Variants in RIPK4 observed in about 807,000 individuals in gnomAD.
The protein encoded by RIPK4 is receptor interacting serine/threonine kinase 4.
RIPK4 carries 17 observed loss-of-function variants against 42.9 expected under a neutral mutation model. That is an observed-to-expected ratio of 0.40 (90% CI 0.27 to 0.59). RIPK4 has a LOEUF of 0.59. RIPK4 is among the 20% of genes least tolerant of loss of function. RIPK4 has a pLI of 0.47. For missense variants in RIPK4, 897 were observed against 1,104.4 expected (o/e 0.81, Z 2.66); for synonymous variants, 498 against 499.1 (o/e 1.00, Z 0.03).
intron 1 of RIPK4, among the ~76,000 whole-genome samples, chr21:41,757,049 G>T (rs867248790): frequency 1.3e-5 from 2 of 152,202 alleles, no homozygotes; most frequent in Non-Finnish European, 1.5e-5. Context: ...GAGGAGGAGG[G>T]AAATTCTAAT....
At chr21:41,763,596 T>C (rs12482161) in intron 1 of RIPK4, among the ~76,000 whole-genome samples, 37,168 of 152,178 alleles carry the variant, frequency 0.24, 4,876 homozygotes, top group African/African-American at 0.31. Context: ...TTCAGGAAAA[T>C]GCAGCCGGAA....
chr21:41,741,691 T>C lies in RIPK4; in HGVS notation c.1502A>G (p.Asp501Gly). 1 of 1,613,738 alleles carries C rather than the reference T, an allele frequency of 6.2e-7. No homozygotes were observed. Among genetic ancestry groups the C allele is most frequent in the Non-Finnish European group, 8.5e-7 (1 of 1,180,004 alleles). Residue 501 changes from aspartate to glycine, a missense_variant, in exon 8 of 8, where the codon GAT (aspartate) becomes GGT (glycine). Physicochemically the swap from Asp to Gly is moderately conservative, Grantham distance 94. Transcript: ENST00000332512. ...LARKISVNAK[D>G]EDQWTALHFA... The stretch of plus-strand genomic sequence containing the variant: ...GTGGAGGGCTGTCCACTGGTCCTCA[T>C]CCTTGGCGTTGACACTGATCTTCCG...
Position 41,740,193 on chromosome 21 carries a change from C to T in RIPK4, c.*645G>A, listed in dbSNP as rs2061148097. On this transcript the variant is annotated 3_prime_UTR_variant, in exon 8 of 8. Transcript: ENST00000332512. ...TAGACTGGAATGGTTAAGAGCTGGC[C>T]ACACATACGCCCCGCAAAGCTGGCT... is the stretch of plus-strand genomic sequence containing the variant. 6.6e-6 allele frequency: 1 copy of T among 152,226 alleles called. No homozygotes were observed. The highest frequency in any genetic ancestry group is 1.5e-5 in the Non-Finnish European group (1 of 68,060). 9.4% of individuals were successfully genotyped at this position (152,226 alleles called of 1,614,324 possible).
At position 41,746,522 on chromosome 21, in the gene RIPK4, A is replaced by G. The variant is rs1437418478; in HGVS notation, c.832+91T>C. The stretch of plus-strand genomic sequence containing the variant: ...CCACCTGTTACACGCCTTGTTTCTC[A>G]CCCAGGCCTGGTCCCTCACCCTGTC... On this transcript the variant is annotated intron_variant, in intron 5 of 7. Transcript: ENST00000332512. 4.7e-6 allele frequency: 7 copies of G among 1,483,758 alleles called. No individual in the cohort carries two copies. The Admixed American group carries it at 1.4e-4, about 29-fold the overall frequency. 91.9% of individuals were successfully genotyped at this position (1,483,758 alleles called of 1,614,324 possible).
intron 4 of RIPK4, among the ~76,000 whole-genome samples, chr21:41,748,722 C>T (rs1332755003): frequency 6.6e-6 from 1 of 152,130 alleles, no homozygotes; most frequent in Non-Finnish European, 1.5e-5. Context: ...ACAGGCAAAC[C>T]CCTGGAGACA....
intron 5 of RIPK4, 133 bp downstream of exon 5, chr21:41,746,479 TG>T: frequency 9.1e-7 from 1 of 1,102,470 alleles, no homozygotes; most frequent in African/African-American, 1.5e-5. Flanking sequence ...AACCTATCTG[TG>T]CAGGGCTCAT....
At chr21:41,760,909 C>A (rs950721983) in intron 1 of RIPK4, among the ~76,000 whole-genome samples, 5 of 152,304 alleles carry the variant, frequency 3.3e-5, no homozygotes, top group Admixed American at 2.0e-4. Context: ...GCTTTCCTAG[C>A]GCTCTGGTTA....
At chr21:41,765,664 C>T (rs1360028868) in intron 1 of RIPK4, among the ~76,000 whole-genome samples, 1 of 152,174 alleles carries the variant, frequency 6.6e-6, no homozygotes, top group African/African-American at 2.4e-5. Context: ...CTCAATCAGC[C>T]GAGCATTCGA....
At position 41,742,894 on chromosome 21, in the gene RIPK4, T is replaced by C. The variant is rs1244729639; in HGVS notation, c.1196-897A>G. 6.6e-6 allele frequency among the ~76,000 whole-genome samples: 1 copy of C among 152,224 alleles called. No individual in the cohort carries two copies. Among genetic ancestry groups the C allele is most frequent in the African/African-American group, 2.4e-5 (1 of 41,448 alleles). On this transcript the variant is annotated intron_variant, in intron 7 of 7. Coordinates refer to ENST00000332512, the MANE Select transcript of RIPK4 (RefSeq NM_020639.3). The surrounding 1 kb of genome is among the most constrained non-coding windows in gnomAD (Gnocchi z 5.1). ...TATTTCTTTCTGCTCAGTCTTAGAC[T>C]TTGCCCTGACTCTCCTCCTCAAGCC...
chr21:41,757,732 G>A (rs1292909764), intron 1 of RIPK4, among the ~76,000 whole-genome samples: 2 of 151,412 alleles, frequency 1.3e-5, no homozygotes, highest in Admixed American at 6.6e-5. Context: ...CGGGTGTGAT[G>A]GCTCATGCCT....
rs201602859 is a variant in RIPK4, at chr21:41,756,734, G to A, written c.265C>T (p.Arg89Cys). 28 of 1,614,198 alleles carry A rather than the reference G, an allele frequency of 1.7e-5. No homozygotes were observed. The East Asian group carries it at 2.7e-4, about 15-fold the overall frequency. Residue 89 changes from arginine (R) to cysteine (C), a missense_variant, in exon 2 of 8, where the codon CGC (arginine) becomes TGC (cysteine). Coordinates refer to ENST00000332512, the MANE Select transcript of RIPK4 (RefSeq NM_020639.3). ...RYILPVYGIC[R>C]EPVGLVMEYM... ...TCCATGACCAGGCCGACAGGTTCGCGGCAGATGCCATACACAGGCAGGATG... is the reference window on the plus strand; with the variant it reads ...TCCATGACCAGGCCGACAGGTTCGCAGCAGATGCCATACACAGGCAGGATG...
At position 41,740,150 on chromosome 21, in the gene RIPK4, A is replaced by G. The variant is rs1247943477; in HGVS notation, c.*688T>C. 1 of 152,194 alleles carries G rather than the reference A, an allele frequency of 6.6e-6. No individual in the cohort carries two copies. Among genetic ancestry groups the G allele is most frequent in the Non-Finnish European group, 1.5e-5 (1 of 68,036 alleles). The allele number at this position is 152,194 out of a possible 1,614,324, so 9.4% of individuals were successfully genotyped here. On this transcript the variant is annotated 3_prime_UTR_variant, in exon 8 of 8. Transcript: ENST00000332512. ...TGGGCACGTGTGTGTGGTTGTCCAC[A>G]AGGACTCACCCAAGTAATAGACTGG...
intron 2 of RIPK4, among the ~76,000 whole-genome samples, chr21:41,753,299 A>G (rs57404199): frequency 0.14 from 21,939 of 152,174 alleles, 1,728 homozygotes; most frequent in Middle Eastern, 0.21. Context: ...AAGAAAAACG[A>G]CAGGGGTGCA....
chr21:41,764,954 G>C (rs2061231749), intron 1 of RIPK4, among the ~76,000 whole-genome samples: 1 of 152,238 alleles, frequency 6.6e-6, no homozygotes, highest in Non-Finnish European at 1.5e-5. Context: ...TTTGGGCAGG[G>C]TAGGAAAGGC....
At position 41,766,847 on chromosome 21, in the gene RIPK4, C is replaced by T; in HGVS notation, c.182+13G>A. On this transcript the variant is annotated intron_variant, in intron 1 of 7. Coordinates refer to ENST00000332512, the MANE Select transcript of RIPK4 (RefSeq NM_020639.3). ...GGCCCCAGCCGCCCCAGCGCCCCGC[C>T]CGGGCCGCTCACCTGTCGTCGACGT... The T allele has an allele frequency of 6.2e-7, 1 of 1,602,786 alleles. No individual in the cohort carries two copies. The highest frequency in any genetic ancestry group is 8.5e-7 in the Non-Finnish European group (1 of 1,175,362).
intron 1 of RIPK4, 119 bp downstream of exon 1, chr21:41,766,741 C>G (rs980624892): frequency 9.9e-6 from 11 of 1,109,688 alleles, no homozygotes; most frequent in Middle Eastern, 2.9e-4. Context: ...TGGTTTCCCC[C>G]CCGAAGCTGC....
chr21:41,757,716 A>G (rs142801397), intron 1 of RIPK4, among the ~76,000 whole-genome samples: 87 of 151,820 alleles, frequency 5.7e-4, no homozygotes, highest in African/African-American at 2.0e-3. Context: ...AATAAAAAAT[A>G]TAGGCCGGGT....
intron 1 of RIPK4, among the ~76,000 whole-genome samples, chr21:41,757,189 A>C (rs570243930): frequency 6.6e-6 from 1 of 152,218 alleles, no homozygotes; most frequent in East Asian, 1.9e-4. Flanking sequence ...TTCTCCTGGG[A>C]GGAGGGAAGA....
rs115384710 is a variant in RIPK4, at chr21:41,754,052, G to A, written c.474+2473C>T. Among the ~76,000 whole-genome samples, 1,095 of 151,940 alleles carry A rather than the reference G, an allele frequency of 7.2e-3. 11 individuals are homozygous for A. The highest frequency in any genetic ancestry group is 0.024 in the African/African-American group (994 of 41,396). ...TGCTGTGATATTTCCAGTTTGAATC[G>A]AGCCCTGAGCACTGAGGGAGCCCAT... is the stretch of plus-strand genomic sequence containing the variant. On this transcript the variant is annotated intron_variant, in intron 2 of 7. Transcript: ENST00000332512.
Sources: allele counts gnomAD v4.1 joint callset (sites outside exome capture counted in the v4.1 genomes callset), GRCh38; gene constraint gnomAD v4.1.1; non-coding constraint Gnocchi (gnomAD v3.1); transcripts MANE v1.5; gene names NCBI Gene and HGNC (gene_info 2026-07-23, HGNC 2026-07-21).